CNTN1: variants seen among roughly 807,000 people sequenced by gnomAD.
CNTN1 encodes contactin-1.
Under a neutral mutation model 126.4 loss-of-function variants are expected in CNTN1, and 38 were observed. The observed-to-expected ratio is 0.30, with a 90% CI of 0.23 to 0.39. The LOEUF is 0.39. Ranked by LOEUF, CNTN1 falls within the 10% of genes least tolerant of loss-of-function variation. CNTN1 has a pLI of 1.00. For synonymous variants in CNTN1, 413 were observed against 422.6 expected (o/e 0.98, Z 0.28); for missense variants, 1,009 against 1,248.4 (o/e 0.81, Z 2.89).
chr12:40,773,660 T>C (rs866250888), intron 1 of CNTN1, among the ~76,000 whole-genome samples: 1 of 7,372 alleles, frequency 1.4e-4, no homozygotes, highest in Admixed American at 2.3e-3. Context: ...TATATACACA[T>C]ATATATATAT....
intron 1 of CNTN1, among the ~76,000 whole-genome samples, chr12:40,838,229 A>G (rs1289721806): frequency 2.0e-5 from 3 of 152,214 alleles, no homozygotes; most frequent in Non-Finnish European, 4.4e-5. Flanking sequence ...CTAAACTCCC[A>G]GCCACTACCA....
At position 40,818,315 on chromosome 12, in the gene CNTN1, G is replaced by T. The variant is rs528622692; in HGVS notation, c.-76-90042G>T. 2.0e-5 allele frequency among the ~76,000 whole-genome samples: 3 copies of T among 152,178 alleles called. No individual in the cohort carries two copies. The South Asian group carries it at 6.2e-4, about 32-fold the overall frequency. On this transcript the variant is annotated intron_variant, in intron 1 of 23. Coordinates refer to ENST00000551295, the MANE Select transcript of CNTN1 (RefSeq NM_001843.4). ...CCTTCTGGTTGTCCAATCAATTGTA[G>T]GTTCAGTTTTTTTATGAAGTTCCAT...
intron 1 of CNTN1, among the ~76,000 whole-genome samples, chr12:40,786,020 T>G (rs1038449085): frequency 2.6e-5 from 4 of 152,278 alleles, no homozygotes; most frequent in African/African-American, 9.6e-5. Flanking sequence ...TAACAAATTA[T>G]CACGCACATT....
intron 1 of CNTN1, among the ~76,000 whole-genome samples, chr12:40,817,976 G>T (rs934762223): frequency 6.6e-6 from 1 of 151,736 alleles, no homozygotes; most frequent in Non-Finnish European, 1.5e-5. Context: ...TTTCCTTTAA[G>T]GTTGAATATT....
chr12:41,002,558 C>CTTT (rs1360030646), intron 17 of CNTN1, among the ~76,000 whole-genome samples: 50 of 134,578 alleles, frequency 3.7e-4, no homozygotes, highest in African/African-American at 1.3e-3. Context: ...GGGTTTCTTT[C>CTTT]TTTTTTTTTT....
At chr12:41,065,086 C>T (rs551085151) in intron 23 of CNTN1, among the ~76,000 whole-genome samples, 8 of 152,156 alleles carry the variant, frequency 5.3e-5, no homozygotes, top group South Asian at 2.1e-4. Context: ...GACGGAGTCT[C>T]GCTCTGTCGC....
At chr12:40,921,564 T>A (rs553730495) in intron 4 of CNTN1, among the ~76,000 whole-genome samples, 1 of 152,332 alleles carries the variant, frequency 6.6e-6, no homozygotes, top group Non-Finnish European at 1.5e-5. Flanking sequence ...TATGATATTA[T>A]GTGGTTGGGG....
chr12:40,720,254 AGAGT>A (rs1942163515), intron 1 of CNTN1, among the ~76,000 whole-genome samples: 1 of 152,158 alleles, frequency 6.6e-6, no homozygotes, highest in African/African-American at 2.4e-5. Flanking sequence ...TAGAATCAAA[AGAGT>A]AAGTTTTGAA....
intron 1 of CNTN1, among the ~76,000 whole-genome samples, chr12:40,767,214 G>T (rs1939129393): frequency 6.6e-6 from 1 of 151,676 alleles, no homozygotes; most frequent in African/African-American, 2.4e-5. Context: ...AAATTACTAG[G>T]GGTCAAGGGG....
intron 1 of CNTN1, among the ~76,000 whole-genome samples, chr12:40,758,647 G>C (rs1052021611): frequency 6.6e-6 from 1 of 152,038 alleles, no homozygotes; most frequent in Non-Finnish European, 1.5e-5. Context: ...CTAGATGAAA[G>C]AGTATAATGA....
At chr12:40,955,224 C>G (rs1361902028) in intron 14 of CNTN1, among the ~76,000 whole-genome samples, 4 of 151,834 alleles carry the variant, frequency 2.6e-5, no homozygotes. Context: ...CTGTATGACC[C>G]AAGACTTCCC....
chr12:41,006,572 ATACT>A (rs1284344574), intron 17 of CNTN1, among the ~76,000 whole-genome samples: 1 of 152,264 alleles, frequency 6.6e-6, no homozygotes, highest in Admixed American at 6.5e-5. Context: ...ATTAATGTAC[ATACT>A]TCACCAAAGA....
chr12:40,840,621 A>T (rs568440648), intron 1 of CNTN1, among the ~76,000 whole-genome samples: 5 of 149,502 alleles, frequency 3.3e-5, no homozygotes, highest in East Asian at 3.9e-4. Flanking sequence ...AATTTTTTTT[A>T]AAAATTGAAA....
intron 1 of CNTN1, among the ~76,000 whole-genome samples, chr12:40,854,507 A>T (rs557861639): frequency 1.3e-5 from 2 of 152,226 alleles, no homozygotes; most frequent in Non-Finnish European, 2.9e-5. Flanking sequence ...CTAAGTCAAG[A>T]CTCTGTGTCT....
intron 1 of CNTN1, among the ~76,000 whole-genome samples, chr12:40,728,457 T>C (rs1942413995): frequency 6.6e-6 from 1 of 152,130 alleles, no homozygotes; most frequent in South Asian, 2.1e-4. Context: ...TAAGACTTCT[T>C]CCAGAGCTCT....
chr12:40,703,148 C>A (rs1354592389), intron 1 of CNTN1, among the ~76,000 whole-genome samples: 1 of 151,908 alleles, frequency 6.6e-6, no homozygotes, highest in Non-Finnish European at 1.5e-5. Context: ...CTCCCTAGTA[C>A]TATTATCAGT....
rs182043331 is a variant in CNTN1 at position 41,025,424 on chromosome 12, C to A, written c.2710+88C>A. On this transcript the variant is annotated intron_variant, in intron 21 of 23. Transcript: ENST00000551295. Reference sequence around the variant, plus strand: ...AATATATTTGAAGGAAATTTCCTACCTAGCTACCTGAGCACATTTTTCAAT... The same window carrying A: ...AATATATTTGAAGGAAATTTCCTACATAGCTACCTGAGCACATTTTTCAAT... 3.9e-6 allele frequency: 5 copies of A among 1,296,048 alleles called. No individual in the cohort carries two copies. The Admixed American group carries it at 8.5e-5, about 22-fold the overall frequency. The allele number at this position is 1,296,048 out of a possible 1,614,324, so 80.3% of individuals were successfully genotyped here. A position where few individuals can be genotyped will look rare whatever the true frequency, so the allele number is the denominator to read the frequency against.
chr12:40,864,083 C>T (rs1236558164), intron 1 of CNTN1, among the ~76,000 whole-genome samples: 29 of 136,158 alleles, frequency 2.1e-4, no homozygotes, highest in Admixed American at 4.1e-4. Context: ...TGCAATGGTG[C>T]GATCTTGGCT....
chr12:40,798,561 A>T (rs1945887430), intron 1 of CNTN1, among the ~76,000 whole-genome samples: 1 of 151,942 alleles, frequency 6.6e-6, no homozygotes, highest in Non-Finnish European at 1.5e-5. Context: ...TCAGCCATTA[A>T]AAAAAGAACA....
Sources: gnomAD v4.1 joint callset for allele counts (sites outside exome capture counted in the v4.1 genomes callset) on GRCh38, gnomAD v4.1.1 for gene constraint, MANE v1.5 for transcripts, NCBI Gene and HGNC (gene_info 2026-07-23, HGNC 2026-07-21) for gene names.